The following NME7 variants were observed in gnomAD, a reference collection of about 807,000 sequenced individuals.
NME7 encodes the protein nucleoside diphosphate kinase 7.
A neutral mutation model predicts 49.1 loss-of-function variants in NME7; 41 were observed. The observed-to-expected ratio is 0.83, with a 90% CI of 0.65 to 1.08. The LOEUF is 1.08. NME7 is among the 50% of genes least tolerant of loss of function. NME7 has a pLI of 0.00. For missense variants in NME7, 423 were observed against 463.4 expected, an observed-to-expected ratio of 0.91 and a Z score of 0.80; for synonymous variants, 139 against 150.6, an observed-to-expected ratio of 0.92 and a Z score of 0.56.
At chr1:169,210,723 A>G (rs1660786846) in intron 10 of NME7, among the ~76,000 whole-genome samples, 1 of 148,668 alleles carries the variant, frequency 6.7e-6, no homozygotes, top group Non-Finnish European at 1.5e-5. Flanking sequence ...TCACAAATAA[A>G]ATGGGGAAAA....
At position 169,134,367 on chromosome 1, in the gene NME7, C is replaced by G. The variant is rs187287610; in HGVS notation, c.1099-1550G>C. ...ATATTTCATGGGTGTAGGGACAGTG[C>G]CATCTATCTCCCTTGGGGTGTTCTT... On this transcript the variant is annotated intron_variant, in intron 11 of 11. Coordinates refer to ENST00000367811, the MANE Select transcript of NME7 (RefSeq NM_013330.5). Among the ~76,000 whole-genome samples, 425 of 152,214 alleles carry G rather than the reference C, an allele frequency of 2.8e-3. 1 individual carries two copies. Among genetic ancestry groups the G allele is most frequent in the Middle Eastern group, 0.017 (5 of 294 alleles).
chr1:169,346,737 T>A (rs1464575084), intron 1 of NME7, among the ~76,000 whole-genome samples: 1 of 152,254 alleles, frequency 6.6e-6, no homozygotes, highest in African/African-American at 2.4e-5. Flanking sequence ...TATGGATGCA[T>A]CCCAAGGGAC....
intron 6 of NME7, 29 bp downstream of exon 6, chr1:169,298,527 A>C (rs1440152159): frequency 5.6e-6 from 9 of 1,597,554 alleles, no homozygotes; most frequent in Non-Finnish European, 7.7e-6. Flanking sequence ...GAACTAGAAG[A>C]GCATTAAAAT....
At chr1:169,338,103 A>C (rs889152062) in intron 1 of NME7, among the ~76,000 whole-genome samples, 1 of 152,226 alleles carries the variant, frequency 6.6e-6, no homozygotes. Context: ...CAGAAGGAAA[A>C]GTTAGGTGAA....
intron 7 of NME7, among the ~76,000 whole-genome samples, chr1:169,245,350 T>C (rs983901209): frequency 1.3e-5 from 2 of 152,136 alleles, no homozygotes; most frequent in African/African-American, 4.8e-5. Flanking sequence ...AAGGACACTT[T>C]GGTGAGCAAA....
intron 9 of NME7, among the ~76,000 whole-genome samples, chr1:169,231,340 A>G (rs1571310254): frequency 6.6e-6 from 1 of 152,210 alleles, no homozygotes; most frequent in South Asian, 2.1e-4. Flanking sequence ...GTATGGAAAC[A>G]GATTAGGTGA....
chr1:169,324,322 A>G (rs1651968965), intron 2 of NME7, 71 bp downstream of exon 2: 4 of 899,004 alleles, frequency 4.4e-6, no homozygotes, highest in Admixed American at 2.1e-5. Context: ...TTAAAAAGCA[A>G]TTATATAAAA....
At chr1:169,219,873 A>G (rs1661090002) in intron 10 of NME7, among the ~76,000 whole-genome samples, 1 of 152,224 alleles carries the variant, frequency 6.6e-6, no homozygotes, top group East Asian at 1.9e-4. Flanking sequence ...ATAAATAAAT[A>G]TTTACTCTAA....
At chr1:169,133,550 T>C (rs77577054) in intron 11 of NME7, among the ~76,000 whole-genome samples, 1 of 152,236 alleles carries the variant, frequency 6.6e-6, no homozygotes, top group African/African-American at 2.4e-5. Context: ...TTTCTCGTTT[T>C]GCTATTTCTA....
intron 10 of NME7, among the ~76,000 whole-genome samples, chr1:169,192,925 T>C (rs1470514012): frequency 6.6e-6 from 1 of 152,136 alleles, no homozygotes; most frequent in Non-Finnish European, 1.5e-5. Context: ...TTTTGGAAAA[T>C]ATAGAATTAT....
Position 169,256,875 on chromosome 1 carries a change from T to C in NME7, c.755-19188A>G, listed in dbSNP as rs370042576. Among the ~76,000 whole-genome samples, 5 of 131,904 alleles carry C rather than the reference T, an allele frequency of 3.8e-5. 2 individuals carry two copies. The highest frequency in any genetic ancestry group is 1.5e-4 in the Admixed American group (2 of 13,440). The allele number at this position is 131,904 out of a possible 152,430, so 86.5% of individuals were successfully genotyped here. On this transcript the variant is annotated intron_variant, in intron 7 of 11. Transcript: ENST00000367811. Reference sequence around the variant, plus strand: ...GGGGGTGCCTCCCAGTTAGGCTGCTTGGGGGTCAGGGGTCAGGGACCCACT... The same window carrying C: ...GGGGGTGCCTCCCAGTTAGGCTGCTCGGGGGTCAGGGGTCAGGGACCCACT...
chr1:169,355,500 T>C (rs1417160128), intron 1 of NME7, among the ~76,000 whole-genome samples: 1 of 150,168 alleles, frequency 6.7e-6, no homozygotes, highest in African/African-American at 2.5e-5. Context: ...CTTTATCTCA[T>C]CTGCCTCACC....
At chr1:169,273,335 T>C (rs1185386281) in intron 7 of NME7, among the ~76,000 whole-genome samples, 1 of 132,274 alleles carries the variant, frequency 7.6e-6, no homozygotes, top group East Asian at 2.0e-4. Context: ...TTGTGATAGT[T>C]TGCTGAGAAT....
chr1:169,303,961 T>C (rs1351110101), intron 4 of NME7, among the ~76,000 whole-genome samples: 2 of 152,206 alleles, frequency 1.3e-5, no homozygotes, highest in African/African-American at 4.8e-5. Flanking sequence ...GCTTTTTTTC[T>C]TAGCTAGGTC....
intron 1 of NME7, among the ~76,000 whole-genome samples, chr1:169,344,924 T>G (rs1652904492): frequency 6.6e-6 from 1 of 152,208 alleles, no homozygotes; most frequent in Non-Finnish European, 1.5e-5. Flanking sequence ...CTATTATTTA[T>G]TATTTAAATG....
intron 3 of NME7, among the ~76,000 whole-genome samples, chr1:169,321,857 T>A (rs539240184): frequency 6.6e-6 from 1 of 152,304 alleles, no homozygotes; most frequent in East Asian, 1.9e-4. Flanking sequence ...TTGAATTAAA[T>A]CATTTTTGGA....
intron 7 of NME7, among the ~76,000 whole-genome samples, chr1:169,256,692 G>T (rs1266550962): frequency 8.1e-6 from 1 of 123,206 alleles, no homozygotes; most frequent in South Asian, 2.6e-4. Context: ...CATCTTTGTG[G>T]TTTTATCTAC....
At chr1:169,188,370 A>G (rs954756505) in intron 10 of NME7, among the ~76,000 whole-genome samples, 8 of 152,204 alleles carry the variant, frequency 5.3e-5, no homozygotes, top group African/African-American at 1.9e-4. Context: ...AAGCTGTACA[A>G]TCATGATCTA....
At chr1:169,164,920 C>A (rs914082876) in intron 11 of NME7, among the ~76,000 whole-genome samples, 1 of 152,216 alleles carries the variant, frequency 6.6e-6, no homozygotes, top group Non-Finnish European at 1.5e-5. Flanking sequence ...GCATTGCCAG[C>A]AGTGGGCATT....
Sources: gnomAD v4.1 joint callset for allele counts (sites outside exome capture counted in the v4.1 genomes callset) on GRCh38, gnomAD v4.1.1 for gene constraint, MANE v1.5 for transcripts, NCBI Gene and HGNC (gene_info 2026-07-23, HGNC 2026-07-21) for gene names.